ARNT2: variants seen among roughly 807,000 people sequenced by gnomAD.
ARNT2 encodes the protein aryl hydrocarbon receptor nuclear translocator 2, also known as ARNT protein 2.
Under a neutral mutation model 91.7 loss-of-function variants are expected in ARNT2, and 36 were observed. The ratio of observed to expected loss-of-function variants is 0.39; its 90% confidence interval spans 0.30 to 0.52. ARNT2 has a LOEUF of 0.52. Ranked by LOEUF, ARNT2 falls within the 20% of genes least tolerant of loss-of-function variation. The pLI is 0.72. For synonymous variants in ARNT2, 365 were observed against 347.1 expected (o/e 1.05, Z -0.57); for missense variants, 775 against 939.3 (o/e 0.83, Z 2.29).
intron 12 of ARNT2, among the ~76,000 whole-genome samples, chr15:80,564,123 G>T (rs960472152): frequency 6.6e-6 from 1 of 152,196 alleles, no homozygotes. Context: ...ATGAGATGAG[G>T]CTGGCATCCG....
intron 1 of ARNT2, among the ~76,000 whole-genome samples, chr15:80,440,205 C>T (rs542779743): frequency 3.9e-5 from 6 of 152,266 alleles, no homozygotes; most frequent in Middle Eastern, 3.4e-3. Flanking sequence ...TGATGGTCTG[C>T]GGCTTCTAGG....
At chr15:80,478,646 A>T (rs1044390091) in intron 5 of ARNT2, among the ~76,000 whole-genome samples, 1 of 152,130 alleles carries the variant, frequency 6.6e-6, no homozygotes, top group African/African-American at 2.4e-5. Context: ...TCTCTTTTGC[A>T]GTCATAGGGT....
chr15:80,442,891 A>C, intron 1 of ARNT2: 1 of 985,324 alleles, frequency 1.0e-6, no homozygotes, highest in Non-Finnish European at 1.2e-6. Flanking sequence ...TTGGGATCTG[A>C]CGCCGACACA....
intron 15 of ARNT2, among the ~76,000 whole-genome samples, chr15:80,578,964 C>T (rs1255750504): frequency 6.6e-6 from 1 of 152,196 alleles, no homozygotes; most frequent in Non-Finnish European, 1.5e-5. Context: ...AATGGTGTTG[C>T]TGGCACCTGA....
chr15:80,504,776 A>G (rs965950248), intron 5 of ARNT2, among the ~76,000 whole-genome samples: 4 of 112,872 alleles, frequency 3.5e-5, no homozygotes, highest in African/African-American at 1.7e-4. Context: ...TCAAAGAAAA[A>G]AAAAAAAATG....
intron 1 of ARNT2, among the ~76,000 whole-genome samples, chr15:80,405,166 T>G (rs1254624806): frequency 6.6e-6 from 1 of 152,244 alleles, no homozygotes; most frequent in Admixed American, 6.5e-5. Context: ...TGGTCTGACC[T>G]GTCCCCAGGG....
chr15:80,437,922 TACACACACACAC>T (rs58142108), intron 1 of ARNT2, among the ~76,000 whole-genome samples: 7 of 141,662 alleles, frequency 4.9e-5, no homozygotes, highest in South Asian at 5.0e-4. Context: ...TGTATTTACC[TACACACACACAC>T]ACACACACAC....
intron 8 of ARNT2, among the ~76,000 whole-genome samples, chr15:80,536,545 G>A (rs1897826891): frequency 6.6e-6 from 1 of 152,176 alleles, no homozygotes; most frequent in South Asian, 2.1e-4. Flanking sequence ...ACCCGTGCAA[G>A]CTTCCAGCTT....
intron 1 of ARNT2, among the ~76,000 whole-genome samples, chr15:80,414,147 G>A (rs1286914554): frequency 6.6e-6 from 1 of 152,146 alleles, no homozygotes; most frequent in African/African-American, 2.4e-5. Context: ...TGAGAAACCT[G>A]GGCACAGAGG....
chr15:80,508,055 C>A, intron 5 of ARNT2, 101 bp from the exon 6 acceptor site: 1 of 1,110,714 alleles, frequency 9.0e-7, no homozygotes, highest in Admixed American at 2.0e-5. Context: ...CACACTTGTC[C>A]TCATTTGGCA....
At chr15:80,514,089 AC>A in intron 7 of ARNT2, 113 bp downstream of exon 7, 1 of 1,124,874 alleles carries the variant, frequency 8.9e-7, no homozygotes, top group Non-Finnish European at 1.3e-6. Flanking sequence ...GACCAAGAGA[AC>A]CAGACATCAG....
At chr15:80,539,872 C>A (rs1897879747) in intron 8 of ARNT2, among the ~76,000 whole-genome samples, 1 of 150,836 alleles carries the variant, frequency 6.6e-6, no homozygotes, top group African/African-American at 2.4e-5. Flanking sequence ...ATCAAAAAGA[C>A]AAAAAATATT....
rs202067207 is a variant in ARNT2, at chr15:80,423,742, T to TTG, written c.31+19209_31+19210dup. On this transcript the variant is annotated intron_variant, in intron 1 of 18. Transcript: ENST00000303329. ...GGTCAGTGAAGCTTTTGATGATATT[T>TTG]TGTGTGTGTGTGTGAAAGAGAGGGA... 8.6e-4 allele frequency among the ~76,000 whole-genome samples: 128 copies of TTG among 149,486 alleles called. 2 individuals carry two copies. The East Asian group carries it at 0.024, about 28-fold the overall frequency.
At chr15:80,470,455 T>C (rs1352549865) in intron 4 of ARNT2, 24 bp downstream of exon 4, 1 of 1,608,122 alleles carries the variant, frequency 6.2e-7, no homozygotes, top group South Asian at 1.1e-5. Flanking sequence ...CACATCACCA[T>C]TGGAAAGCGG....
chr15:80,551,177 A>G (rs779769620), intron 8 of ARNT2, 22 bp from the exon 9 acceptor site: 1 of 1,607,232 alleles, frequency 6.2e-7, no homozygotes, highest in Non-Finnish European at 8.5e-7. Context: ...ATTGTTGATG[A>G]CACAGGTATT....
chr15:80,521,890 A>G (rs1305096557), intron 8 of ARNT2, among the ~76,000 whole-genome samples: 1 of 152,132 alleles, frequency 6.6e-6, no homozygotes, highest in Non-Finnish European at 1.5e-5. Context: ...TCCAAGTCCT[A>G]TCTCTGACCA....
intron 5 of ARNT2, among the ~76,000 whole-genome samples, chr15:80,489,973 G>A (rs543216955): frequency 2.2e-4 from 34 of 152,278 alleles, no homozygotes; most frequent in Non-Finnish European, 4.3e-4. Flanking sequence ...AGTGCCTGGC[G>A]TGGTCTGGGT....
chr15:80,590,678 G>C (rs1893260113), intron 17 of ARNT2, among the ~76,000 whole-genome samples: 1 of 152,252 alleles, frequency 6.6e-6, no homozygotes, highest in Non-Finnish European at 1.5e-5. Flanking sequence ...GGATTTCAAG[G>C]CTGAAGTGAG....
chr15:80,574,810 G>A (rs1233760844), intron 13 of ARNT2, among the ~76,000 whole-genome samples, 177 bp from the exon 14 acceptor site: 1 of 152,010 alleles, frequency 6.6e-6, no homozygotes, highest in Non-Finnish European at 1.5e-5. Flanking sequence ...CCCCTCACCG[G>A]CTTTTCTTGG....
Sources: allele counts gnomAD v4.1 joint callset (sites outside exome capture counted in the v4.1 genomes callset), GRCh38; gene constraint gnomAD v4.1.1; transcripts MANE v1.5; gene names NCBI Gene and HGNC (gene_info 2026-07-23, HGNC 2026-07-21).